TBCD: variants seen among roughly 807,000 people sequenced by gnomAD.
TBCD encodes the protein tubulin folding cofactor D.
A neutral mutation model predicts 169.3 loss-of-function variants in TBCD; 105 were observed. The observed-to-expected ratio is 0.62, with a 90% confidence interval of 0.53 to 0.73. The LOEUF (loss-of-function observed/expected upper bound fraction) is 0.73, where lower values mean the gene tolerates loss of function less well. TBCD is among the 30% of genes least tolerant of loss of function. The pLI is 0.00. For synonymous variants in TBCD, 700 were observed against 643.9 expected (o/e 1.09, Z -1.32); for missense variants, 1,444 against 1,600.1 (o/e 0.90, Z 1.66).
rs1264709040 is a variant in TBCD, at chr17:82,835,243, A to G, written c.1318+20309A>G. Among the ~76,000 whole-genome samples the G allele has an allele frequency of 6.6e-6, 1 of 152,116 alleles. No homozygotes were observed. The highest frequency in any genetic ancestry group is 2.4e-5 in the African/African-American group (1 of 41,430). On this transcript the variant is annotated intron_variant, in intron 13 of 38. Transcript: ENST00000355528. The surrounding 1 kb of genome is among the most constrained non-coding windows in gnomAD (Gnocchi z 4.5). ...AATAGAGCAACGTGTGTGGGAGCCT[A>G]GGAGGCAGCTGTCCCTGAAGCAAGG...
chr17:82,909,959 C>T (rs2060513069), intron 22 of TBCD, among the ~76,000 whole-genome samples: 2 of 152,192 alleles, frequency 1.3e-5, no homozygotes, highest in Admixed American at 1.3e-4. Flanking sequence ...CAGTAGGAAG[C>T]CTTTGGGTGT....
chr17:82,759,907 G>A (rs568328683), intron 2 of TBCD, among the ~76,000 whole-genome samples: 3 of 128,132 alleles, frequency 2.3e-5, no homozygotes, highest in Non-Finnish European at 3.2e-5. Flanking sequence ...TTTTTTTTGA[G>A]ATGGAGTCTC....
At chr17:82,760,273 C>G (rs530492825) in intron 2 of TBCD, among the ~76,000 whole-genome samples, 1 of 152,150 alleles carries the variant, frequency 6.6e-6, no homozygotes, top group Non-Finnish European at 1.5e-5. Flanking sequence ...GGATGAACTC[C>G]GGAATTATTT....
Position 82,939,463 on chromosome 17 carries a change from A to G in TBCD, c.3466A>G (p.Ser1156Gly), listed in dbSNP as rs2062932122. ...DVLDEVVTVLSDTAWDAELAV... is the reference protein window; with the variant it reads ...DVLDEVVTVLGDTAWDAELAV... ...GCTGGACGAGGTGGTGACTGTGCTCAGTGACACTGCGTGGTGAGTGAAGGC... is the reference window on the plus strand; with the variant it reads ...GCTGGACGAGGTGGTGACTGTGCTCGGTGACACTGCGTGGTGAGTGAAGGC... Residue 1156 changes from serine (S) to glycine (G), a missense_variant, in exon 37 of 39, where the codon AGT becomes GGT. Transcript: ENST00000355528. 3 of 1,613,128 alleles carry G rather than the reference A, an allele frequency of 1.9e-6. No homozygotes were observed. The African/African-American group carries it at 4.0e-5, about 22-fold the overall frequency.
intron 37 of TBCD, among the ~76,000 whole-genome samples, chr17:82,940,989 A>G (rs933258122): frequency 2.0e-5 from 3 of 152,216 alleles, no homozygotes; most frequent in Non-Finnish European, 1.5e-5. Context: ...TTTAAAGAGA[A>G]TATTTTAAAT....
chr17:82,817,269 T>A (rs562054066), intron 13 of TBCD, among the ~76,000 whole-genome samples: 1 of 152,256 alleles, frequency 6.6e-6, no homozygotes, highest in South Asian at 2.1e-4. Context: ...TAGTTGGGAC[T>A]ACAGGGGTGC....
intron 13 of TBCD, among the ~76,000 whole-genome samples, chr17:82,817,680 C>T (rs2052043638): frequency 6.6e-6 from 1 of 152,118 alleles, no homozygotes; most frequent in Non-Finnish European, 1.5e-5. Context: ...CTTCTGGCCT[C>T]CAGTGATCCT....
intron 34 of TBCD, among the ~76,000 whole-genome samples, chr17:82,936,467 G>A (rs117595409): frequency 0.016 from 2,502 of 152,282 alleles, 37 homozygotes; most frequent in South Asian, 0.024. Context: ...CAACCTGAGC[G>A]GGTTTCTTTG....
intron 37 of TBCD, among the ~76,000 whole-genome samples, chr17:82,940,211 T>G (rs1227025291): frequency 8.6e-6 from 1 of 115,862 alleles, no homozygotes. Context: ...ACATGCTCAC[T>G]TGCACGCGCG....
At chr17:82,767,529 T>C (rs111577742) in intron 4 of TBCD, among the ~76,000 whole-genome samples, 6,542 of 151,474 alleles carry the variant, frequency 0.043, 291 homozygotes, top group African/African-American at 0.11. Flanking sequence ...GCAACCTCTG[T>C]CTCCCAGGTT....
At chr17:82,887,184 T>TGCGCTCACGC (rs1555632520) in intron 15 of TBCD, among the ~76,000 whole-genome samples, 2 of 109,886 alleles carry the variant, frequency 1.8e-5, no homozygotes, top group Non-Finnish European at 3.9e-5. Context: ...CGCGCGCACG[T>TGCGCTCACGC]GCGCTCACGC....
chr17:82,930,725 G>C lies in TBCD; in HGVS notation c.3113+82G>C. 1.3e-6 allele frequency: 2 copies of C among 1,591,334 alleles called. No individual in the cohort carries two copies. On this transcript the variant is annotated intron_variant, in intron 33 of 38. Coordinates refer to ENST00000355528, the MANE Select transcript of TBCD (RefSeq NM_005993.5). This position sits in a 1 kb window ranked among gnomAD's most constrained non-coding sequence, Gnocchi z 5.2. ...CGTTCCCACAGATTCCCGGGGTCTC[G>C]CAGGGTCTGTCTGGGGTCTGAAGGG...
intron 13 of TBCD, among the ~76,000 whole-genome samples, chr17:82,855,524 T>C (rs1465229183): frequency 3.3e-5 from 5 of 152,050 alleles, no homozygotes; most frequent in Admixed American, 1.3e-4. Flanking sequence ...CACCTCGGCC[T>C]CCTGAAGGGC....
chr17:82,850,155 GTGC>G (rs2055609386), intron 13 of TBCD, among the ~76,000 whole-genome samples: 1 of 109,454 alleles, frequency 9.1e-6, no homozygotes, highest in Non-Finnish European at 1.9e-5. Flanking sequence ...GTTGTTGGCT[GTGC>G]TGTTGTTGCC....
chr17:82,757,956 A>G (rs1269426063), intron 2 of TBCD, among the ~76,000 whole-genome samples: 3 of 152,202 alleles, frequency 2.0e-5, no homozygotes, highest in South Asian at 2.1e-4. Context: ...TATCTCTTCA[A>G]GTAACAACGT....
At position 82,859,828 on chromosome 17, in the gene TBCD, C is replaced by T. The variant is rs1039123350; in HGVS notation, c.1319-10396C>T. The T allele has an allele frequency of 1.1e-5, 11 of 985,328 alleles. No homozygotes were observed. In the African/African-American group the frequency reaches 1.7e-4, roughly 16 times the overall value. 61.0% of individuals were successfully genotyped at this position (985,328 alleles called of 1,614,324 possible). A position where few individuals can be genotyped will look rare whatever the true frequency, so the allele number is the denominator to read the frequency against. On this transcript the variant is annotated intron_variant, in intron 13 of 38. Coordinates refer to ENST00000355528, the MANE Select transcript of TBCD (RefSeq NM_005993.5). ...ATGGCAGTGACCCAGAAAGATTCAT[C>T]AGTGGGCGGTGAGTTGGGAACAGAA...
chr17:82,942,411 G>T (rs1373104687), intron 38 of TBCD, 38 bp from the exon 39 acceptor site: 1 of 1,613,814 alleles, frequency 6.2e-7, no homozygotes, highest in East Asian at 2.2e-5. Flanking sequence ...GTGTGTGTTG[G>T]AGCTGACCAG....
In TBCD at chr17:82,814,783, G is replaced by A. The variant is rs552152792; in HGVS notation, c.1224-57G>A. ...GGCTGTGCTCCTTGCCATGCTGTGG[G>A]CTTTGAACCAAAAGCTGACACGTGG... On this transcript the variant is annotated intron_variant, in intron 12 of 38. Coordinates refer to ENST00000355528, the MANE Select transcript of TBCD (RefSeq NM_005993.5). 1.5e-4 allele frequency: 233 copies of A among 1,567,846 alleles called. 1 individual carries two copies. Among genetic ancestry groups the A allele is most frequent in the Admixed American group, 5.1e-5 (3 of 58,510 alleles).
intron 5 of TBCD, among the ~76,000 whole-genome samples, chr17:82,771,541 C>T (rs1440056235): frequency 6.6e-6 from 1 of 152,108 alleles, no homozygotes; most frequent in East Asian, 1.9e-4. Flanking sequence ...ACCTCAGCCT[C>T]CTGAGTAGCT....
Sources: gnomAD v4.1 joint callset for allele counts (sites outside exome capture counted in the v4.1 genomes callset) on GRCh38, gnomAD v4.1.1 for gene constraint, Gnocchi (gnomAD v3.1) non-coding constraint, MANE v1.5 for transcripts, NCBI Gene and HGNC (gene_info 2026-07-23, HGNC 2026-07-21) for gene names.